SLC24A4: variants seen among roughly 807,000 people sequenced by gnomAD.
SLC24A4 encodes the protein sodium/potassium/calcium exchanger 4.
Under a neutral mutation model 79.0 loss-of-function variants are expected in SLC24A4, and 53 were observed. The ratio of observed to expected loss-of-function variants is 0.67; its 90% CI spans 0.54 to 0.84. The LOEUF is 0.84. Among genes scored for constraint, SLC24A4 ranks in the 40% least tolerant of loss-of-function variants. SLC24A4 has a pLI of 0.00. For synonymous variants in SLC24A4, 323 were observed against 323.8 expected (o/e 1.00, Z 0.03); for missense variants, 731 against 822.0 (o/e 0.89, Z 1.35).
At chr14:92,471,574 C>T (rs867279714) in intron 12 of SLC24A4, among the ~76,000 whole-genome samples, 6 of 152,140 alleles carry the variant, frequency 3.9e-5, no homozygotes, top group Admixed American at 3.9e-4. Flanking sequence ...TACACCCAAC[C>T]CAGGGCCTAT....
rs1227389811 is a variant in SLC24A4, at chr14:92,498,963, G to T, written c.*5335G>T. 2 of 152,266 alleles carry T rather than the reference G, an allele frequency of 1.3e-5. No homozygotes were observed. The highest frequency in any genetic ancestry group is 1.3e-4 in the Admixed American group (2 of 15,282). The allele number at this position is 152,266 out of a possible 1,614,324, so 9.4% of individuals were successfully genotyped here. ...GAAATGGGTGCCCACCTGGAATCAG[G>T]AGAAGAGGCTTTTCCCTCCTGTTCT... On this transcript the variant is annotated 3_prime_UTR_variant, in exon 17 of 17. Transcript: ENST00000532405.
At chr14:92,477,386 A>C (rs866607761) in intron 12 of SLC24A4, among the ~76,000 whole-genome samples, 2 of 152,164 alleles carry the variant, frequency 1.3e-5, no homozygotes, top group Non-Finnish European at 2.9e-5. Context: ...TATCAGATAT[A>C]TTATTTGCAA....
In SLC24A4 at chr14:92,353,587, A is replaced by C. The variant is rs76282236; in HGVS notation, c.241+27609A>C. Among the ~76,000 whole-genome samples the C allele has an allele frequency of 6.6e-6, 1 of 152,112 alleles. No homozygotes were observed. Among genetic ancestry groups the C allele is most frequent in the South Asian group, 2.1e-4 (1 of 4,834 alleles). ...GTTATCAGACCTGTTGAGTTTGCCA[A>C]TCTGGAGGGTGAATCATGGTATCTC... On this transcript the variant is annotated intron_variant, in intron 2 of 16. Transcript: ENST00000532405. This position sits in a 1 kb window ranked among gnomAD's most constrained non-coding sequence, Gnocchi z 4.1.
intron 14 of SLC24A4, among the ~76,000 whole-genome samples, chr14:92,489,375 G>A (rs1647711478): frequency 6.6e-6 from 1 of 152,056 alleles, no homozygotes; most frequent in Admixed American, 6.6e-5. Context: ...GGAGGCAGAT[G>A]TTACAGTGAA....
intron 2 of SLC24A4, among the ~76,000 whole-genome samples, chr14:92,349,164 ATT>A (rs55770253): frequency 1.7e-4 from 24 of 144,126 alleles, no homozygotes; most frequent in Admixed American, 2.8e-4. Context: ...TGACTGGAAG[ATT>A]TTTTTTTTTT....
At chr14:92,407,592 A>C (rs1239309216) in intron 2 of SLC24A4, among the ~76,000 whole-genome samples, 2 of 152,230 alleles carry the variant, frequency 1.3e-5, no homozygotes, top group Non-Finnish European at 1.5e-5. Flanking sequence ...CAATCATGGC[A>C]GAAGGCAAAG....
chr14:92,482,872 C>G, intron 13 of SLC24A4, 26 bp downstream of exon 13: 1 of 1,594,044 alleles, frequency 6.3e-7, no homozygotes, highest in Non-Finnish European at 8.6e-7. Flanking sequence ...AGGGGGTGGA[C>G]TGTGTGCACA....
chr14:92,368,877 G>A (rs1056257870), intron 2 of SLC24A4, among the ~76,000 whole-genome samples: 5 of 152,142 alleles, frequency 3.3e-5, no homozygotes, highest in African/African-American at 1.2e-4. Flanking sequence ...GTGGAAGAGG[G>A]GATTAACGGC....
chr14:92,391,521 A>T (rs4347560), intron 2 of SLC24A4, among the ~76,000 whole-genome samples: 2 of 152,100 alleles, frequency 1.3e-5, no homozygotes, highest in South Asian at 4.1e-4. Context: ...CCATGTGCCT[A>T]AAGTAGTGTT....
At chr14:92,378,731 A>G (rs1028002877) in intron 2 of SLC24A4, among the ~76,000 whole-genome samples, 1 of 152,230 alleles carries the variant, frequency 6.6e-6, no homozygotes. Context: ...GATAACAGCA[A>G]TGAAGCAGAT....
intron 2 of SLC24A4, among the ~76,000 whole-genome samples, chr14:92,399,319 T>C (rs1321434521): frequency 6.6e-6 from 1 of 152,212 alleles, no homozygotes; most frequent in Non-Finnish European, 1.5e-5. Flanking sequence ...ATAAAGATTT[T>C]CCATTTGGCA....
intron 2 of SLC24A4, among the ~76,000 whole-genome samples, chr14:92,339,084 G>A (rs1408244322): frequency 6.6e-6 from 1 of 152,178 alleles, no homozygotes; most frequent in Non-Finnish European, 1.5e-5. Context: ...AAGGAGTTAA[G>A]TGTTAGAGCT....
Position 92,497,037 on chromosome 14 carries a change from G to C in SLC24A4, c.*3409G>C, listed in dbSNP as rs1002726744. On this transcript the variant is annotated 3_prime_UTR_variant, in exon 17 of 17. Coordinates refer to ENST00000532405, the MANE Select transcript of SLC24A4 (RefSeq NM_153646.4). ...GCTGGTCTCAAACTCCTGACCTCAG[G>C]TGATCCACCCACCTCGGTTTCCCAA... 1 of 152,206 alleles carries C rather than the reference G, an allele frequency of 6.6e-6. No homozygotes were observed. Among genetic ancestry groups the C allele is most frequent in the African/African-American group, 2.4e-5 (1 of 41,440 alleles). 9.4% of individuals were successfully genotyped at this position (152,206 alleles called of 1,614,324 possible).
chr14:92,460,967 A>T (rs1334754598), intron 12 of SLC24A4, among the ~76,000 whole-genome samples: 1 of 152,170 alleles, frequency 6.6e-6, no homozygotes, highest in East Asian at 1.9e-4. Context: ...AGAGGCTGGT[A>T]ATTAGGCCTC....
At chr14:92,396,035 AG>A (rs566711645) in intron 2 of SLC24A4, among the ~76,000 whole-genome samples, 309 of 152,272 alleles carry the variant, frequency 2.0e-3, no homozygotes, top group Non-Finnish European at 2.7e-3. Flanking sequence ...CCTGTTGGCC[AG>A]GCTGGTCTTG....
At chr14:92,322,987 GGGA>G (rs1374369023), upstream of SLC24A4, among the ~76,000 whole-genome samples, 1 of 152,172 alleles carries the variant, frequency 6.6e-6, no homozygotes. Context: ...GAGAGAAAAA[GGGA>G]GAAGGAAGGG....
intron 2 of SLC24A4, among the ~76,000 whole-genome samples, chr14:92,339,044 C>T (rs1045828025): frequency 2.0e-5 from 3 of 152,194 alleles, no homozygotes; most frequent in Non-Finnish European, 4.4e-5. Context: ...TCTAGCCTGT[C>T]GGTGCCTTGG....
chr14:92,460,648 A>G (rs1315997881), intron 12 of SLC24A4, among the ~76,000 whole-genome samples: 1 of 152,300 alleles, frequency 6.6e-6, no homozygotes, highest in Middle Eastern at 3.4e-3. Context: ...GGCTTTGTGG[A>G]TCAGGTAGGA....
Position 92,383,086 on chromosome 14 carries a change from G to A in SLC24A4, c.242-50826G>A, listed in dbSNP as rs149496093. ...TGAGTAGTTGGCCGGCTGCCTGCTC[G>A]CTTGACTCCCCAGCCCATCATTTCT... On this transcript the variant is annotated intron_variant, in intron 2 of 16. Coordinates refer to ENST00000532405, the MANE Select transcript of SLC24A4 (RefSeq NM_153646.4). Among the ~76,000 whole-genome samples the A allele has an allele frequency of 2.5e-3, 387 of 152,270 alleles. 2 individuals are homozygous for A. The highest frequency in any genetic ancestry group is 9.1e-3 in the African/African-American group (376 of 41,540).
Sources: gnomAD v4.1 joint callset for allele counts (sites outside exome capture counted in the v4.1 genomes callset) on GRCh38, gnomAD v4.1.1 for gene constraint, Gnocchi (gnomAD v3.1) non-coding constraint, MANE v1.5 for transcripts, NCBI Gene and HGNC (gene_info 2026-07-23, HGNC 2026-07-21) for gene names.